Variants in APP observed in about 807,000 individuals in gnomAD.
The protein encoded by APP is amyloid beta precursor protein, also known as amyloid-beta precursor protein.
In APP, 31 loss-of-function variants were observed where a neutral mutation model predicts 101.4. That is an observed-to-expected ratio of 0.31 (90% CI 0.23 to 0.41). The LOEUF (loss-of-function observed/expected upper bound fraction) is 0.41. APP is among the 10% of genes least tolerant of loss of function. The pLI is 1.00. For synonymous variants in APP, 366 were observed against 364.4 expected, an observed-to-expected ratio of 1.00 and a Z score of -0.05; for missense variants, 839 against 1,003.7, an observed-to-expected ratio of 0.84 and a Z score of 2.22.
Position 26,026,608 on chromosome 21 carries a change from T to A in APP, c.663-4566A>T, listed in dbSNP as rs74828682. On this transcript the variant is annotated intron_variant, in intron 5 of 17. Transcript: ENST00000346798. Reference sequence around the variant, plus strand: ...TAAAGTCATGCCAAAAAAGTCACCATTTGTATTTTCTAAGAAAGCCATATG... The same window carrying A: ...TAAAGTCATGCCAAAAAAGTCACCAATTGTATTTTCTAAGAAAGCCATATG... Among the ~76,000 whole-genome samples the A allele has an allele frequency of 5.1e-4, 77 of 152,334 alleles. 1 individual carries two copies. In the East Asian group the frequency reaches 0.014, roughly 29 times the overall value.
At chr21:26,044,537 T>G (rs1442532009) in intron 5 of APP, among the ~76,000 whole-genome samples, 1 of 152,116 alleles carries the variant, frequency 6.6e-6, no homozygotes, top group African/African-American at 2.4e-5. Context: ...TGTATTTCTT[T>G]CTTTCTTTCT....
intron 5 of APP, among the ~76,000 whole-genome samples, chr21:26,033,522 A>G (rs148801215): frequency 1.6e-4 from 24 of 152,324 alleles, no homozygotes; most frequent in Admixed American, 1.6e-3. Flanking sequence ...GGAATTGCCA[A>G]TTCTCAGTAT....
At chr21:25,903,577 G>A (rs1206560249) in intron 15 of APP, among the ~76,000 whole-genome samples, 1 of 151,974 alleles carries the variant, frequency 6.6e-6, no homozygotes, top group Non-Finnish European at 1.5e-5. Flanking sequence ...TTAAAGAGAA[G>A]CACCATGAAA....
At chr21:26,070,564 C>G (rs1023326944) in intron 3 of APP, among the ~76,000 whole-genome samples, 3 of 152,068 alleles carry the variant, frequency 2.0e-5, no homozygotes, top group African/African-American at 7.2e-5. Flanking sequence ...CTAAAAAGTA[C>G]TGTGAATCTC....
chr21:25,904,493 A>G (rs931614838), intron 15 of APP, among the ~76,000 whole-genome samples: 9 of 152,228 alleles, frequency 5.9e-5, no homozygotes, highest in African/African-American at 1.9e-4. Flanking sequence ...CCCACAAAAC[A>G]GAAGATGTAT....
chr21:26,125,546 G>T (rs1437745423), intron 1 of APP, among the ~76,000 whole-genome samples: 1 of 152,098 alleles, frequency 6.6e-6, no homozygotes, highest in Non-Finnish European at 1.5e-5. Flanking sequence ...AGATTCTAAG[G>T]CTTGTAAATT....
At chr21:26,086,290 T>C (rs539076013) in intron 3 of APP, among the ~76,000 whole-genome samples, 1 of 152,324 alleles carries the variant, frequency 6.6e-6, no homozygotes, top group East Asian at 1.9e-4. Flanking sequence ...GAAAGCCAAC[T>C]TATTCTCAAG....
At chr21:26,151,391 T>C (rs973041730) in intron 1 of APP, among the ~76,000 whole-genome samples, 7 of 152,192 alleles carry the variant, frequency 4.6e-5, no homozygotes, top group African/African-American at 1.7e-4. Flanking sequence ...ACACGAGCAA[T>C]CACAGAACCA....
intron 3 of APP, among the ~76,000 whole-genome samples, chr21:26,081,335 G>A (rs571478051): frequency 3.3e-5 from 5 of 150,584 alleles, no homozygotes; most frequent in Non-Finnish European, 7.4e-5. Flanking sequence ...GATGGGGTAG[G>A]GCCATTTTGT....
chr21:26,042,620 G>A (rs57456427), intron 5 of APP, among the ~76,000 whole-genome samples: 25,819 of 152,114 alleles, frequency 0.17, 2,504 homozygotes, highest in South Asian at 0.24. Flanking sequence ...TTCACCCCTT[G>A]GTCTGGCGTG....
At chr21:26,149,540 G>A (rs558104639) in intron 1 of APP, among the ~76,000 whole-genome samples, 1 of 152,258 alleles carries the variant, frequency 6.6e-6, no homozygotes, top group Non-Finnish European at 1.5e-5. Context: ...TTGACCGCCA[G>A]GTTACTGATG....
chr21:25,899,755 CTTG>C (rs1197987738), intron 15 of APP, among the ~76,000 whole-genome samples: 2 of 152,178 alleles, frequency 1.3e-5, no homozygotes, highest in Admixed American at 1.3e-4. Flanking sequence ...GAAACTAATG[CTTG>C]TTGTTTTAAG....
In APP at chr21:26,130,372, C is replaced by A. The variant is rs563928364; in HGVS notation, c.58-18226G>T. On this transcript the variant is annotated intron_variant, in intron 1 of 17. Coordinates refer to ENST00000346798, the MANE Select transcript of APP (RefSeq NM_000484.4). Reference sequence around the variant, plus strand: ...GAAGATCACCAAGCTTCTATAGTGTCTCTCTGAAGTGGTGACACGCTGACT... The same window carrying A: ...GAAGATCACCAAGCTTCTATAGTGTATCTCTGAAGTGGTGACACGCTGACT... Among the ~76,000 whole-genome samples the A allele has an allele frequency of 3.9e-5, 6 of 152,306 alleles. No individual in the cohort carries two copies. In the East Asian group the frequency reaches 1.2e-3, roughly 29 times the overall value.
intron 5 of APP, among the ~76,000 whole-genome samples, chr21:26,025,851 T>C (rs2044547297): frequency 6.6e-6 from 1 of 152,390 alleles, no homozygotes; most frequent in Non-Finnish European, 1.5e-5. Context: ...TAAATTTAGA[T>C]GTCCATGAAT....
chr21:26,007,185 T>G (rs1019186590), intron 6 of APP, among the ~76,000 whole-genome samples: 4 of 151,844 alleles, frequency 2.6e-5, no homozygotes, highest in Non-Finnish European at 5.9e-5. Context: ...TCTTGAACTC[T>G]TTTTCTCCAA....
chr21:26,168,761 C>A (rs1321715816), intron 1 of APP, among the ~76,000 whole-genome samples: 1 of 152,146 alleles, frequency 6.6e-6, no homozygotes, highest in African/African-American at 2.4e-5. Context: ...TAGTTAAGTG[C>A]ATTTTTTTAA....
rs112738905 is a variant in APP at position 25,930,277 on chromosome 21, C to T, written c.1688-18315G>A. ...AGCTCATGAGAGAAGTCTATCTGAC[C>T]GGGATAAGAAGGATCCTGGGGCGGG... On this transcript the variant is annotated intron_variant, in intron 13 of 17. Coordinates refer to ENST00000346798, the MANE Select transcript of APP (RefSeq NM_000484.4). Among the ~76,000 whole-genome samples, 653 of 152,180 alleles carry T rather than the reference C, an allele frequency of 4.3e-3. 4 individuals are homozygous for T. The highest frequency in any genetic ancestry group is 0.014 in the African/African-American group (589 of 41,518).
At chr21:26,077,657 C>A (rs1349586189) in intron 3 of APP, among the ~76,000 whole-genome samples, 1 of 151,970 alleles carries the variant, frequency 6.6e-6, no homozygotes, top group Non-Finnish European at 1.5e-5. Context: ...CGACCAGCCT[C>A]GTTCGTCTCC....
intron 13 of APP, among the ~76,000 whole-genome samples, chr21:25,939,401 G>C (rs2040484112): frequency 6.6e-6 from 1 of 152,216 alleles, no homozygotes; most frequent in Admixed American, 6.5e-5. Flanking sequence ...TTGCGATTTA[G>C]TAATTCACAA....
Sources: allele counts gnomAD v4.1 joint callset (sites outside exome capture counted in the v4.1 genomes callset), GRCh38; gene constraint gnomAD v4.1.1; transcripts MANE v1.5; gene names NCBI Gene and HGNC (gene_info 2026-07-23, HGNC 2026-07-21).